ERBB4: variants seen among roughly 807,000 people sequenced by gnomAD.
ERBB4 encodes the protein erb-b2 receptor tyrosine kinase 4.
Under a neutral mutation model 158.0 loss-of-function variants are expected in ERBB4, and 42 were observed. That is an observed-to-expected ratio of 0.27 (90% CI 0.21 to 0.34). The LOEUF (loss-of-function observed/expected upper bound fraction) is 0.34. ERBB4 is among the 10% of genes least tolerant of loss of function. The pLI is 1.00. For missense variants in ERBB4, 1,333 were observed against 1,624.1 expected (o/e 0.82, Z 3.08); for synonymous variants, 583 against 558.7 (o/e 1.04, Z -0.61).
At chr2:211,522,045 T>C (rs1262162619) in intron 20 of ERBB4, among the ~76,000 whole-genome samples, 1 of 152,158 alleles carries the variant, frequency 6.6e-6, no homozygotes, top group Non-Finnish European at 1.5e-5. Context: ...ATCTAGCCCA[T>C]AGATCGAGGA....
At chr2:211,467,731 T>G (rs149954917) in intron 20 of ERBB4, among the ~76,000 whole-genome samples, 136 of 152,260 alleles carry the variant, frequency 8.9e-4, no homozygotes, top group South Asian at 1.4e-3. Flanking sequence ...AGAGTAAGGC[T>G]AGGCCATATG....
chr2:211,579,209 A>G (rs1325375205), intron 19 of ERBB4, among the ~76,000 whole-genome samples: 1 of 152,094 alleles, frequency 6.6e-6, no homozygotes, highest in East Asian at 1.9e-4. Flanking sequence ...AAGTTTAACG[A>G]CACTGAGATG....
chr2:211,984,671 T>C (rs1230663884), intron 2 of ERBB4, among the ~76,000 whole-genome samples: 1 of 152,162 alleles, frequency 6.6e-6, no homozygotes, highest in East Asian at 1.9e-4. Context: ...TGAAGAATAA[T>C]GTATAGCTAT....
chr2:211,586,344 C>G (rs2068277109), intron 19 of ERBB4, among the ~76,000 whole-genome samples: 1 of 152,024 alleles, frequency 6.6e-6, no homozygotes, highest in Non-Finnish European at 1.5e-5. Flanking sequence ...AGTCAACCAA[C>G]TCAGTTAAGA....
intron 16 of ERBB4, among the ~76,000 whole-genome samples, chr2:211,641,597 T>C (rs1015554514): frequency 3.9e-5 from 6 of 152,024 alleles, no homozygotes; most frequent in Non-Finnish European, 4.4e-5. Context: ...TTAAAGAAAA[T>C]TATTTAATTG....
chr2:212,440,237 G>A lies in ERBB4; in HGVS notation c.82+98212C>T, dbSNP rs545543564. Among the ~76,000 whole-genome samples, 10 of 152,308 alleles carry A rather than the reference G, an allele frequency of 6.6e-5. No individual in the cohort carries two copies. In the South Asian group the frequency reaches 1.7e-3, roughly 25 times the overall value. On this transcript the variant is annotated intron_variant, in intron 1 of 27. Coordinates refer to ENST00000342788, the MANE Select transcript of ERBB4 (RefSeq NM_005235.3). Reference sequence around the variant, plus strand: ...AGGTTAACATTTGATTCAGTGGCCTGGGGAAGGCAGATCCACTCTTAATCT... The same window carrying A: ...AGGTTAACATTTGATTCAGTGGCCTAGGGAAGGCAGATCCACTCTTAATCT...
chr2:212,003,212 A>AGAAAGAAAGACAGAAGGAAG (rs2076173198), intron 2 of ERBB4, among the ~76,000 whole-genome samples: 1 of 40,484 alleles, frequency 2.5e-5, no homozygotes, highest in African/African-American at 6.4e-5. Context: ...AAAGACAGAA[A>AGAAAGAAAGACAGAAGGAAG]GAAGGAAGGA....
intron 1 of ERBB4, among the ~76,000 whole-genome samples, chr2:212,198,733 CTTTTT>C (rs11448093): frequency 1.7e-4 from 16 of 96,428 alleles, no homozygotes; most frequent in African/African-American, 5.1e-4. Context: ...TCACCACGCC[CTTTTT>C]TTTTTTTTTT....
At chr2:211,980,399 G>A (rs556747706) in intron 2 of ERBB4, among the ~76,000 whole-genome samples, 61 of 152,216 alleles carry the variant, frequency 4.0e-4, no homozygotes, top group African/African-American at 1.4e-3. Context: ...AATTTTTCAT[G>A]AGATTCATAC....
intron 1 of ERBB4, among the ~76,000 whole-genome samples, chr2:212,271,801 T>C (rs933744813): frequency 7.2e-5 from 11 of 151,752 alleles, no homozygotes; most frequent in African/African-American, 2.4e-4. Context: ...TTTAAGGAGA[T>C]GGTTGCCAGG....
chr2:211,937,803 C>T (rs575735171), intron 3 of ERBB4, among the ~76,000 whole-genome samples: 41 of 152,190 alleles, frequency 2.7e-4, no homozygotes, highest in Non-Finnish European at 4.3e-4. Context: ...ATGGGGATTA[C>T]GGGAACTACA....
rs945761266 is a variant in ERBB4, at chr2:211,657,439, G to A, written c.1946+315C>T. 3.7e-4 allele frequency among the ~76,000 whole-genome samples: 56 copies of A among 151,752 alleles called. 2 individuals are homozygous for A. ...CAGGAGAATCACTTGAACCCAGGAGGTGGAGGTTGCAGTGAGCCAAGATCA... is the reference window on the plus strand; with the variant it reads ...CAGGAGAATCACTTGAACCCAGGAGATGGAGGTTGCAGTGAGCCAAGATCA... On this transcript the variant is annotated intron_variant, in intron 16 of 27. Transcript: ENST00000342788.
At chr2:211,508,850 A>G (rs1168019051) in intron 20 of ERBB4, among the ~76,000 whole-genome samples, 2 of 152,162 alleles carry the variant, frequency 1.3e-5, no homozygotes, top group Admixed American at 1.3e-4. Context: ...GAATGGAGTG[A>G]ACCCAGGAGG....
intron 5 of ERBB4, among the ~76,000 whole-genome samples, chr2:211,736,086 C>T (rs1251322601): frequency 6.6e-6 from 1 of 151,698 alleles, no homozygotes; most frequent in Non-Finnish European, 1.5e-5. Flanking sequence ...TCACTTGAGC[C>T]CTGGAGTTCA....
intron 2 of ERBB4, among the ~76,000 whole-genome samples, chr2:212,108,462 A>C (rs1252578756): frequency 6.6e-6 from 1 of 152,224 alleles, no homozygotes; most frequent in Non-Finnish European, 1.5e-5. Flanking sequence ...GATCAAAGGA[A>C]TGCAGTTTTA....
chr2:212,316,313 G>A (rs969589272), intron 1 of ERBB4, among the ~76,000 whole-genome samples: 1 of 151,366 alleles, frequency 6.6e-6, no homozygotes, highest in African/African-American at 2.4e-5. Context: ...CCTTTTGGAT[G>A]CCGTAGAAAT....
intron 2 of ERBB4, among the ~76,000 whole-genome samples, chr2:212,049,353 T>C (rs1192810380): frequency 6.6e-6 from 1 of 152,216 alleles, no homozygotes; most frequent in Non-Finnish European, 1.5e-5. Flanking sequence ...TTCATTTTTT[T>C]TAAATTAATT....
In ERBB4 at chr2:211,856,217, G is replaced by T. The variant is rs1009540429; in HGVS notation, c.422-68058C>A. On this transcript the variant is annotated intron_variant, in intron 3 of 27. Coordinates refer to ENST00000342788, the MANE Select transcript of ERBB4 (RefSeq NM_005235.3). ...ATAATTCCCAATGACTGGAAGTCTG[G>T]TGTCAGTCTAGGAAGTCCTCATAGG... Among the ~76,000 whole-genome samples, 14 of 152,168 alleles carry T rather than the reference G, an allele frequency of 9.2e-5. No individual in the cohort carries two copies. In the East Asian group the frequency reaches 2.5e-3, roughly 27 times the overall value.
intron 1 of ERBB4, among the ~76,000 whole-genome samples, chr2:212,423,743 TTG>T (rs1183336819): frequency 3.9e-5 from 6 of 152,190 alleles, no homozygotes; most frequent in African/African-American, 1.4e-4. Flanking sequence ...CTTGATAGCT[TTG>T]TGTTTGTATA....
Sources: gnomAD v4.1 joint callset for allele counts (sites outside exome capture counted in the v4.1 genomes callset) on GRCh38, gnomAD v4.1.1 for gene constraint, MANE v1.5 for transcripts, NCBI Gene and HGNC (gene_info 2026-07-23, HGNC 2026-07-21) for gene names.